KIT: variants seen among roughly 807,000 people sequenced by gnomAD.
KIT encodes mast/stem cell growth factor receptor Kit.
KIT carries 16 observed loss-of-function variants against 105.7 expected under a neutral mutation model. The ratio of observed to expected loss-of-function variants is 0.15; its 90% confidence interval spans 0.10 to 0.23. The LOEUF is 0.23. KIT is among the 10% of genes least tolerant of loss of function. The pLI, the probability that KIT is intolerant of heterozygous loss-of-function variation, is 1.00. For missense variants in KIT, 858 were observed against 1,213.8 expected (o/e 0.71, Z 4.36); for synonymous variants, 438 against 441.1 (o/e 0.99, Z 0.09).
intron 14 of KIT, 84 bp from the exon 15 acceptor site, chr4:54,731,244 G>A (rs1238086623): frequency 1.1e-6 from 1 of 892,992 alleles, no homozygotes; most frequent in Non-Finnish European, 1.9e-6. Flanking sequence ...TGTAGCAAAG[G>A]GGATGAGGAG....
rs138983748 is a variant in KIT at position 54,708,182 on chromosome 4, C to T, written c.1115+895C>T. Among the ~76,000 whole-genome samples, 1,223 of 152,030 alleles carry T rather than the reference C, an allele frequency of 8.0e-3. 15 individuals are homozygous for T. The highest frequency in any genetic ancestry group is 0.011 in the Non-Finnish European group (731 of 67,974). ...ATACCATTCAGGGAGAGCAGGAGGA[C>T]GGGGAGGGACAAGTTTCTGAGGAAA... is the stretch of plus-strand genomic sequence containing the variant. On this transcript the variant is annotated intron_variant, in intron 6 of 20. Transcript: ENST00000288135.
chr4:54,695,947 A>G, intron 2 of KIT, 166 bp downstream of exon 2: 2 of 770,640 alleles, frequency 2.6e-6, no homozygotes, highest in South Asian at 3.5e-5. Context: ...TTTTGATATG[A>G]TACATAGTGG....
Position 54,715,154 on chromosome 4 carries a change from G to A in KIT, c.1231+5615G>A, listed in dbSNP as rs1174287127. Among the ~76,000 whole-genome samples, 3 of 152,152 alleles carry A rather than the reference G, an allele frequency of 2.0e-5. No individual in the cohort carries two copies. The East Asian group carries it at 5.8e-4, about 29-fold the overall frequency. On this transcript the variant is annotated intron_variant, in intron 7 of 20. Transcript: ENST00000288135. ...ATCAGCCAAAGCAATAAATCACCCA[G>A]AATAAGGCTTCTCGATGAGAAAGAT...
At chr4:54,722,850 TA>T (rs1721969647) in intron 7 of KIT, among the ~76,000 whole-genome samples, 1 of 126,760 alleles carries the variant, frequency 7.9e-6, no homozygotes, top group Non-Finnish European at 1.5e-5. Context: ...TATTTATATA[TA>T]TTTTTATATA....
intron 7 of KIT, among the ~76,000 whole-genome samples, chr4:54,721,389 T>C (rs1045612080): frequency 2.0e-5 from 3 of 152,182 alleles, no homozygotes; most frequent in African/African-American, 7.2e-5. Flanking sequence ...GTGTCCTACT[T>C]TTCAGCCTGA....
Position 54,727,471 on chromosome 4 carries a change from A to G in KIT, c.1703A>G (p.Tyr568Cys), listed in dbSNP as rs749851557. 1.9e-6 allele frequency: 3 copies of G among 1,613,988 alleles called. No homozygotes were observed. Among genetic ancestry groups the G allele is most frequent in the Non-Finnish European group, 1.7e-6 (2 of 1,179,874 alleles). ...KVVEEINGNN[Y>C]VYIDPTQLPY... Reference sequence around the variant, plus strand: ...GTTGAGGAGATAAATGGAAACAATTATGTTTACATAGACCCAACACAACTT... The same window carrying G: ...GTTGAGGAGATAAATGGAAACAATTGTGTTTACATAGACCCAACACAACTT... The change falls in exon 11 of 21, where the codon TAT becomes TGT. Residue 568 changes from tyrosine to cysteine, a missense_variant. Physicochemically the swap from Tyr to Cys is radical, Grantham distance 194. Around this residue, in one of 7 missense-constraint regions of KIT, gnomAD observed 78 missense variants for 77.6 expected, o/e 1.01. Transcript: ENST00000288135.
At chr4:54,667,806 A>G (rs1163294628) in intron 1 of KIT, among the ~76,000 whole-genome samples, 1 of 152,212 alleles carries the variant, frequency 6.6e-6, no homozygotes, top group African/African-American at 2.4e-5. Context: ...AAAAATGGAA[A>G]AGTATGGATA....
At chr4:54,711,482 C>T (rs1721155493) in intron 7 of KIT, among the ~76,000 whole-genome samples, 1 of 152,158 alleles carries the variant, frequency 6.6e-6, no homozygotes, top group Non-Finnish European at 1.5e-5. Flanking sequence ...GTATATATCC[C>T]AAACTCGTTT....
rs1359607479 is a variant in KIT, at chr4:54,731,405, G to C, written c.2219G>C (p.Arg740Thr). ...GTCCCAACCAAGGCCGACAAAAGGA[G>C]ATCTGTGAGAATAGGTGAGTACCTA... ...YVVPTKADKR[R>T]SVRIGSYIER... Residue 740 changes from arginine (R) to threonine (T), a missense_variant, in exon 15 of 21, where the codon AGA becomes ACA. By Grantham distance (71) the Arg-to-Thr change is moderately conservative. This residue lies in a region of KIT where 158 missense variants were observed against 218.7 expected (regional missense o/e 0.72). Transcript: ENST00000288135. 6.2e-7 allele frequency: 1 copy of C among 1,612,022 alleles called. No homozygotes were observed. Among genetic ancestry groups the C allele is most frequent in the African/African-American group, 1.3e-5 (1 of 74,858 alleles).
rs1018135381 is a variant in KIT, at chr4:54,738,615, A to G, written c.*58A>G. ...ATGATCTCTTCTTTTGGCTTCCATG[A>G]TGGTTATTTTCTTTTCTTTCAACTT... On this transcript the variant is annotated 3_prime_UTR_variant, in exon 21 of 21. Transcript: ENST00000288135. 69 of 1,602,544 alleles carry G rather than the reference A, an allele frequency of 4.3e-5. No homozygotes were observed. Among genetic ancestry groups the G allele is most frequent in the Non-Finnish European group, 2.0e-5 (23 of 1,174,740 alleles).
chr4:54,659,078 C>T (rs1015925189), intron 1 of KIT, among the ~76,000 whole-genome samples: 4 of 152,124 alleles, frequency 2.6e-5, no homozygotes, highest in South Asian at 2.1e-4. Context: ...TTCGCAGGTC[C>T]TGTTTTCTTC....
At position 54,733,020 on chromosome 4, in the gene KIT, A is replaced by T. The variant is rs201668948; in HGVS notation, c.2362-50A>T. ...ATTAAAAAGTTAGTTTTCACTCTTT[A>T]CAAGTTAAAATGAATTTAAATGGTT... On this transcript the variant is annotated intron_variant, in intron 16 of 20. Coordinates refer to ENST00000288135, the MANE Select transcript of KIT (RefSeq NM_000222.3). 227 of 1,548,382 alleles carry T rather than the reference A, an allele frequency of 1.5e-4. No individual in the cohort carries two copies. The highest frequency in any genetic ancestry group is 3.4e-4 in the Middle Eastern group (2 of 5,944).
chr4:54,701,571 A>G (rs1468765061), intron 4 of KIT, among the ~76,000 whole-genome samples: 1 of 152,164 alleles, frequency 6.6e-6, no homozygotes, highest in Non-Finnish European at 1.5e-5. Context: ...ACTTGCTTGT[A>G]ATCAGAATCT....
chr4:54,664,581 TATTA>T (rs1208300784), intron 1 of KIT, among the ~76,000 whole-genome samples: 4 of 133,984 alleles, frequency 3.0e-5, no homozygotes, highest in Admixed American at 1.6e-4. Flanking sequence ...AGTCTGTTTT[TATTA>T]TTTATTTATT....
At chr4:54,737,384 T>C (rs1722985608) in intron 20 of KIT, 104 bp downstream of exon 20, 2 of 807,854 alleles carry the variant, frequency 2.5e-6, no homozygotes, top group Non-Finnish European at 4.4e-6. Flanking sequence ...ACCCCTTCTC[T>C]CCTAATCTTA....
At chr4:54,720,388 A>G (rs1721791440) in intron 7 of KIT, among the ~76,000 whole-genome samples, 1 of 152,224 alleles carries the variant, frequency 6.6e-6, no homozygotes. Flanking sequence ...TAGGCCAGCC[A>G]GACCACACCG....
intron 1 of KIT, among the ~76,000 whole-genome samples, chr4:54,679,304 G>A (rs1718738402): frequency 6.6e-6 from 1 of 152,188 alleles, no homozygotes; most frequent in Non-Finnish European, 1.5e-5. Context: ...ATTTGCCTCT[G>A]CTTGTTATCC....
At position 54,692,498 on chromosome 4, in the gene KIT, T is replaced by C. The variant is rs1719780349; in HGVS notation, c.68-3014T>C. 2.0e-5 allele frequency among the ~76,000 whole-genome samples: 3 copies of C among 152,204 alleles called. No individual in the cohort carries two copies. In the South Asian group the frequency reaches 6.2e-4, roughly 32 times the overall value. ...TGTTTATTTGACTGGATTGTAATTATCTATATCCATCAGATCAACCCATGA... is the reference window on the plus strand; with the variant it reads ...TGTTTATTTGACTGGATTGTAATTACCTATATCCATCAGATCAACCCATGA... On this transcript the variant is annotated intron_variant, in intron 1 of 20. Transcript: ENST00000288135.
chr4:54,663,628 A>G (rs1184195056), intron 1 of KIT, among the ~76,000 whole-genome samples: 1 of 151,982 alleles, frequency 6.6e-6, no homozygotes, highest in Admixed American at 6.6e-5. Flanking sequence ...ACCAAAAGAG[A>G]TACAAATTTC....
Sources: allele counts gnomAD v4.1 joint callset (sites outside exome capture counted in the v4.1 genomes callset), GRCh38; gene constraint gnomAD v4.1.1; regional missense constraint gnomAD v4.1.1; transcripts MANE v1.5; gene names NCBI Gene and HGNC (gene_info 2026-07-23, HGNC 2026-07-21).